Variants in CTNNA3 observed in about 807,000 individuals in gnomAD.
CTNNA3 encodes the protein catenin alpha 3.
A neutral mutation model predicts 95.7 loss-of-function variants in CTNNA3; 76 were observed. The ratio of observed to expected loss-of-function variants is 0.79; its 90% CI spans 0.66 to 0.96. The LOEUF (loss-of-function observed/expected upper bound fraction) is 0.96. Ranked by LOEUF, CTNNA3 falls within the 40% of genes least tolerant of loss-of-function variation. CTNNA3 has a pLI of 0.00. For synonymous variants in CTNNA3, 431 were observed against 374.4 expected, an observed-to-expected ratio of 1.15 and a Z score of -1.74; for missense variants, 1,191 against 1,089.8, an observed-to-expected ratio of 1.09 and a Z score of -1.31.
chr10:67,340,558 T>C (rs944838763), intron 5 of CTNNA3, among the ~76,000 whole-genome samples: 3 of 152,220 alleles, frequency 2.0e-5, no homozygotes, highest in Non-Finnish European at 4.4e-5. Context: ...AATTTGCTGC[T>C]CTGCTGTGTT....
chr10:66,297,686 T>A (rs2091801229), intron 12 of CTNNA3, among the ~76,000 whole-genome samples: 1 of 152,166 alleles, frequency 6.6e-6, no homozygotes, highest in African/African-American at 2.4e-5. Context: ...ATTGTCTACG[T>A]AATCATGCAG....
At chr10:65,974,355 G>C (rs1012825298) in intron 16 of CTNNA3, among the ~76,000 whole-genome samples, 1 of 152,046 alleles carries the variant, frequency 6.6e-6, no homozygotes, top group African/African-American at 2.4e-5. Context: ...ATCCACCAAT[G>C]GTGGATTGAA....
intron 15 of CTNNA3, among the ~76,000 whole-genome samples, chr10:66,002,772 A>G (rs2078795639): frequency 1.3e-5 from 2 of 152,174 alleles, no homozygotes; most frequent in African/African-American, 2.4e-5. Flanking sequence ...CAGGACAGAA[A>G]TTGACACACT....
chr10:65,977,790 A>T (rs1030374161), intron 16 of CTNNA3, among the ~76,000 whole-genome samples: 6 of 151,886 alleles, frequency 4.0e-5, no homozygotes, highest in Non-Finnish European at 5.9e-5. Flanking sequence ...AAAATTAAAA[A>T]AATAATAAAT....
At chr10:66,619,529 A>G (rs1223282729) in intron 10 of CTNNA3, among the ~76,000 whole-genome samples, 4 of 96,468 alleles carry the variant, frequency 4.1e-5, no homozygotes, top group African/African-American at 7.1e-5. Context: ...ACATGGACAC[A>G]GGAAGGGGAA....
chr10:66,436,210 G>C (rs984638901), intron 11 of CTNNA3, among the ~76,000 whole-genome samples: 1 of 152,138 alleles, frequency 6.6e-6, no homozygotes, highest in African/African-American at 2.4e-5. Context: ...CCTGAGCTGA[G>C]TTCACATCCT....
rs78806593 is a variant in CTNNA3 at position 66,520,601 on chromosome 10, A to G, written c.1531+16T>C. 10,474 of 1,585,840 alleles carry G rather than the reference A, an allele frequency of 6.6e-3. 600 individuals carry two copies. The African/African-American group carries it at 0.13, about 19-fold the overall frequency. On this transcript the variant is annotated intron_variant, in intron 11 of 17. Coordinates refer to ENST00000433211, the MANE Select transcript of CTNNA3 (RefSeq NM_013266.4). ...TGACAAGAGAAAATAAACAAATTAAAAGAATAAAAACATACCAGATACAGC... is the reference window on the plus strand; with the variant it reads ...TGACAAGAGAAAATAAACAAATTAAGAGAATAAAAACATACCAGATACAGC...
intron 15 of CTNNA3, among the ~76,000 whole-genome samples, chr10:66,023,832 C>T (rs578126885): frequency 2.0e-5 from 3 of 152,216 alleles, no homozygotes; most frequent in African/African-American, 4.8e-5. Flanking sequence ...ATTGCTAGTG[C>T]ACTGTCGCAG....
intron 12 of CTNNA3, among the ~76,000 whole-genome samples, chr10:66,295,337 C>T (rs983393743): frequency 6.6e-6 from 1 of 152,096 alleles, no homozygotes; most frequent in African/African-American, 2.4e-5. Flanking sequence ...TAATCGTTGG[C>T]TTGGTAATCT....
At chr10:66,151,317 A>C (rs908244801) in intron 13 of CTNNA3, among the ~76,000 whole-genome samples, 1 of 152,072 alleles carries the variant, frequency 6.6e-6, no homozygotes, top group Non-Finnish European at 1.5e-5. Flanking sequence ...GAAGAAGCTC[A>C]CATCTGACAT....
intron 10 of CTNNA3, among the ~76,000 whole-genome samples, chr10:66,548,493 C>G (rs1239681634): frequency 6.6e-6 from 1 of 151,998 alleles, no homozygotes; most frequent in African/African-American, 2.4e-5. Flanking sequence ...TTGTAAACAT[C>G]TTTATTTTAT....
intron 15 of CTNNA3, among the ~76,000 whole-genome samples, chr10:66,044,046 A>G (rs1371564860): frequency 6.6e-6 from 1 of 151,700 alleles, no homozygotes; most frequent in Non-Finnish European, 1.5e-5. Context: ...CCCAAGCTAG[A>G]GTGCAGTGGT....
rs558045396 is a variant in CTNNA3, at chr10:66,270,625, C to T, written c.1884+9845G>A. ...GTAATACGTCAATCATCATGACAAACGCTACGCAAGCATAAAATTGAGCAA... is the reference window on the plus strand; with the variant it reads ...GTAATACGTCAATCATCATGACAAATGCTACGCAAGCATAAAATTGAGCAA... On this transcript the variant is annotated intron_variant, in intron 13 of 17. Coordinates refer to ENST00000433211, the MANE Select transcript of CTNNA3 (RefSeq NM_013266.4). 3.4e-4 allele frequency among the ~76,000 whole-genome samples: 51 copies of T among 152,214 alleles called. 1 individual carries two copies. Among genetic ancestry groups the T allele is most frequent in the South Asian group, 2.1e-3 (10 of 4,826 alleles).
At chr10:66,049,127 G>T (rs1050199652) in intron 15 of CTNNA3, among the ~76,000 whole-genome samples, 5 of 152,096 alleles carry the variant, frequency 3.3e-5, no homozygotes, top group Non-Finnish European at 4.4e-5. Flanking sequence ...GTGGGCAAAA[G>T]ATATGAACAG....
intron 1 of CTNNA3, among the ~76,000 whole-genome samples, chr10:67,726,971 T>A (rs1419348178): frequency 4.4e-5 from 5 of 114,342 alleles, no homozygotes; most frequent in South Asian, 2.5e-4. Context: ...ATTATATATA[T>A]AATATACGAT....
intron 17 of CTNNA3, among the ~76,000 whole-genome samples, chr10:65,930,351 C>T (rs1473596449): frequency 2.0e-5 from 3 of 152,024 alleles, no homozygotes; most frequent in East Asian, 1.9e-4. Flanking sequence ...AAGTTGTTAC[C>T]ATCCTGGTGC....
At chr10:67,328,641 T>A (rs148831990) in intron 5 of CTNNA3, among the ~76,000 whole-genome samples, 15 of 152,320 alleles carry the variant, frequency 9.8e-5, no homozygotes, top group Middle Eastern at 3.4e-3. Context: ...GGGCCAGGAA[T>A]GAGTGTGGGT....
intron 11 of CTNNA3, among the ~76,000 whole-genome samples, chr10:66,497,030 A>G (rs1041201611): frequency 6.6e-6 from 1 of 152,034 alleles, no homozygotes; most frequent in Non-Finnish European, 1.5e-5. Flanking sequence ...TCTTGCAAGG[A>G]CATCAGTTAT....
intron 7 of CTNNA3, among the ~76,000 whole-genome samples, chr10:67,093,880 A>G (rs1216594854): frequency 1.3e-5 from 2 of 152,050 alleles, no homozygotes; most frequent in African/African-American, 2.4e-5. Flanking sequence ...ATTCTCAAAC[A>G]ACTGACTATA....
Sources: allele counts gnomAD v4.1 joint callset (sites outside exome capture counted in the v4.1 genomes callset), GRCh38; gene constraint gnomAD v4.1.1; transcripts MANE v1.5; gene names NCBI Gene and HGNC (gene_info 2026-07-23, HGNC 2026-07-21).